Variants in LINGO1 observed in about 807,000 individuals in gnomAD.
The protein encoded by LINGO1 is leucine rich repeat and Ig domain containing 1.
In LINGO1, 11 loss-of-function variants were observed where a neutral mutation model predicts 37.3. The ratio of observed to expected loss-of-function variants is 0.29; its 90% confidence interval spans 0.19 to 0.49. The LOEUF is 0.49. Among genes scored for constraint, LINGO1 ranks in the 20% least tolerant of loss-of-function variants. The probability of loss-of-function intolerance (pLI) is 0.99; values close to 1 mark genes in which losing one functional copy is unlikely to be tolerated. For synonymous variants in LINGO1, 387 were observed against 403.0 expected (o/e 0.96, Z 0.48); for missense variants, 585 against 878.2 (o/e 0.67, Z 4.22).
chr15:77,768,526 A>G (rs1193722971), intron 1 of LINGO1, among the ~76,000 whole-genome samples: 1 of 152,200 alleles, frequency 6.6e-6, no homozygotes, highest in Non-Finnish European at 1.5e-5. Flanking sequence ...AAGGAAGAGA[A>G]CCAGGTCTGT....
At chr15:77,647,788 C>A in intron 3 of LINGO1, 1 of 450,072 alleles carries the variant, frequency 2.2e-6, no homozygotes, top group Non-Finnish European at 4.5e-6. Flanking sequence ...TCTCTCTCTT[C>A]TTTCCTTGTC....
intron 1 of LINGO1, chr15:77,819,173 G>T (rs2141493286): frequency 7.0e-6 from 1 of 142,188 alleles, no homozygotes; most frequent in South Asian, 2.2e-4. Context: ...ATCAGAGGCC[G>T]CGCGCGCCGC....
chr15:77,672,146 C>G (rs1331315159), intron 3 of LINGO1, among the ~76,000 whole-genome samples: 1 of 150,996 alleles, frequency 6.6e-6, no homozygotes, highest in Admixed American at 6.6e-5. Context: ...CCTCTCCCCA[C>G]CCCGACCCCC....
chr15:77,765,348 G>A (rs565549666), intron 1 of LINGO1, among the ~76,000 whole-genome samples: 3 of 151,744 alleles, frequency 2.0e-5, no homozygotes, highest in East Asian at 1.9e-4. Context: ...CCAGGAGGTC[G>A]AGACTGCAAT....
intron 1 of LINGO1, among the ~76,000 whole-genome samples, chr15:77,815,938 C>T (rs1309491211): frequency 1.3e-5 from 2 of 152,216 alleles, no homozygotes; most frequent in East Asian, 1.9e-4. Flanking sequence ...ACACGTTCTA[C>T]CCTTGCCCAG....
chr15:77,632,225 G>A lies in LINGO1; in HGVS notation c.6+85C>T, dbSNP rs920401518. The A allele has an allele frequency of 3.1e-6, 4 of 1,283,224 alleles. No individual in the cohort carries two copies. Among genetic ancestry groups the A allele is most frequent in the Non-Finnish European group, 3.9e-6 (4 of 1,013,866 alleles). The allele number at this position is 1,283,224 out of a possible 1,614,324, so 79.5% of individuals were successfully genotyped here. On this transcript the variant is annotated intron_variant, in intron 1 of 1. Transcript: ENST00000355300. This position sits in a 1 kb window ranked among gnomAD's most constrained non-coding sequence, Gnocchi z 6.0. Reference sequence around the variant, plus strand: ...CCGAGGTGCCCTGCAACCCCAGGAGGGCGCAGCCAGGGCCGATGGCGGCCC... The same window carrying A: ...CCGAGGTGCCCTGCAACCCCAGGAGAGCGCAGCCAGGGCCGATGGCGGCCC...
rs1434365770 is a variant in LINGO1, at chr15:77,615,875, C to G, written c.32G>C (p.Gly11Ala). Residue 11 changes from glycine (G) to alanine (A), a missense_variant, in exon 2 of 2, where the codon GGC (glycine) becomes GCC (alanine). Gly to Ala is a moderately conservative substitution (Grantham distance 60, BLOSUM62 0). This residue lies in a region of LINGO1 where 65 missense variants were observed against 57.0 expected (regional missense o/e 1.14). Coordinates refer to ENST00000355300, the MANE Select transcript of LINGO1 (RefSeq NM_032808.7). Reference sequence around the variant, plus strand: ...GAGGGGGCTGGGCATGCTCCTCACGCCCCCCGCCAGCATCCTCTTGCTCAC... The same window carrying G: ...GAGGGGGCTGGGCATGCTCCTCACGGCCCCCGCCAGCATCCTCTTGCTCAC... MQVSKRMLAGGVRSMPSPLLA... is the reference protein window; with the variant it reads MQVSKRMLAGAVRSMPSPLLA... The G allele has an allele frequency of 2.7e-6, 4 of 1,472,328 alleles. No individual in the cohort carries two copies. The highest frequency in any genetic ancestry group is 3.6e-6 in the Non-Finnish European group (4 of 1,117,848). The allele number at this position is 1,472,328 out of a possible 1,614,324, so 91.2% of individuals were successfully genotyped here. A position where few individuals can be genotyped will look rare whatever the true frequency, so the allele number is the denominator to read the frequency against.
At chr15:77,755,567 C>CACAGCAGGT (rs1162377245) in intron 1 of LINGO1, among the ~76,000 whole-genome samples, 1 of 152,124 alleles carries the variant, frequency 6.6e-6, no homozygotes, top group Non-Finnish European at 1.5e-5. Flanking sequence ...GGGTGGCAGG[C>CACAGCAGGT]ACAGTGCTGC....
At chr15:77,812,862 G>C (rs2077017252) in intron 1 of LINGO1, among the ~76,000 whole-genome samples, 1 of 152,222 alleles carries the variant, frequency 6.6e-6, no homozygotes, top group African/African-American at 2.4e-5. Flanking sequence ...TCTATGATGA[G>C]CGTCTCAGGA....
chr15:77,766,506 C>T (rs2076531970), intron 1 of LINGO1, among the ~76,000 whole-genome samples: 2 of 152,114 alleles, frequency 1.3e-5, no homozygotes, highest in Admixed American at 6.5e-5. Context: ...AAAATCTCAC[C>T]TCGAATTGTA....
chr15:77,722,691 G>A (rs970394822), intron 2 of LINGO1, among the ~76,000 whole-genome samples: 1 of 152,224 alleles, frequency 6.6e-6, no homozygotes, highest in African/African-American at 2.4e-5. Context: ...TTAGAGATAT[G>A]CGCTGAAATA....
chr15:77,761,291 G>A (rs1324316772), intron 1 of LINGO1, among the ~76,000 whole-genome samples: 1 of 152,000 alleles, frequency 6.6e-6, no homozygotes, highest in Non-Finnish European at 1.5e-5. Context: ...AGTGCATTGG[G>A]TGGGGCAATA....
At chr15:77,779,769 G>A (rs2076697197) in intron 1 of LINGO1, among the ~76,000 whole-genome samples, 2 of 152,168 alleles carry the variant, frequency 1.3e-5, no homozygotes, top group Admixed American at 1.3e-4. Flanking sequence ...GTCCCCCGGG[G>A]GTTGTGGACC....
intron 1 of LINGO1, among the ~76,000 whole-genome samples, chr15:77,753,951 G>C (rs2076395226): frequency 6.6e-6 from 1 of 152,206 alleles, no homozygotes; most frequent in Admixed American, 6.5e-5. Flanking sequence ...TCCAGTGAGT[G>C]AGAAGCTACT....
intron 1 of LINGO1, among the ~76,000 whole-genome samples, chr15:77,807,671 G>A (rs987190973): frequency 6.6e-6 from 1 of 152,034 alleles, no homozygotes; most frequent in Non-Finnish European, 1.5e-5. Flanking sequence ...TCAAAACAGG[G>A]GGAAAGAAAG....
At chr15:77,794,497 TATATATGTGTATATACATACATATA>T (rs2076852349) in intron 2 of LINGO1, among the ~76,000 whole-genome samples, 1 of 131,672 alleles carries the variant, frequency 7.6e-6, no homozygotes, top group Non-Finnish European at 1.6e-5. Flanking sequence ...CATATATACG[TATATATGTGTATATACATACATATA>T]TGTATATACA....
At chr15:77,804,107 G>A (rs1176001294) in intron 1 of LINGO1, among the ~76,000 whole-genome samples, 1 of 152,100 alleles carries the variant, frequency 6.6e-6, no homozygotes, top group Non-Finnish European at 1.5e-5. Context: ...TTCACAGGGA[G>A]GGAGGACTAC....
chr15:77,729,747 C>T (rs1438709247), intron 2 of LINGO1, among the ~76,000 whole-genome samples: 1 of 152,234 alleles, frequency 6.6e-6, no homozygotes, highest in Admixed American at 6.5e-5. Flanking sequence ...CTGTGGACAG[C>T]ACAGTTCTCA....
intron 1 of LINGO1, among the ~76,000 whole-genome samples, chr15:77,754,124 A>C: frequency 6.6e-6 from 1 of 151,584 alleles, no homozygotes; most frequent in East Asian, 1.9e-4. Flanking sequence ...AGGGGGAAGG[A>C]AAGGGGGAAA....
Sources: allele counts gnomAD v4.1 joint callset (sites outside exome capture counted in the v4.1 genomes callset), GRCh38; gene constraint gnomAD v4.1.1; regional missense constraint gnomAD v4.1.1; non-coding constraint Gnocchi (gnomAD v3.1); transcripts MANE v1.5; gene names NCBI Gene and HGNC (gene_info 2026-07-23, HGNC 2026-07-21).